Variants in SYNE2 observed in about 807,000 individuals in gnomAD.
SYNE2 encodes spectrin repeat containing nuclear envelope protein 2.
SYNE2 carries 431 observed loss-of-function variants against 856.3 expected under a neutral mutation model. That is an observed-to-expected ratio of 0.50 (90% CI 0.47 to 0.55). SYNE2 has a LOEUF of 0.55. SYNE2 is among the 20% of genes least tolerant of loss of function. The pLI, the probability that SYNE2 is intolerant of heterozygous loss-of-function variation, is 0.00. For missense variants in SYNE2, 8,129 were observed against 8,023.2 expected (o/e 1.01, Z -0.50); for synonymous variants, 2,923 against 2,872.3 (o/e 1.02, Z -0.56).
intron 1 of SYNE2, among the ~76,000 whole-genome samples, chr14:63,791,964 A>C (rs983745230): frequency 6.6e-6 from 1 of 151,706 alleles, no homozygotes; most frequent in Non-Finnish European, 1.5e-5. Context: ...ACAAAAACAA[A>C]ACTTAAAAAT....
chr14:64,136,427 G>T (rs1017305056), intron 78 of SYNE2, among the ~76,000 whole-genome samples: 2 of 151,830 alleles, frequency 1.3e-5, no homozygotes, highest in African/African-American at 4.8e-5. Context: ...CAGACACGGG[G>T]GGGAGGGGAT....
At chr14:64,087,138 TAA>T (rs1330348394) in intron 57 of SYNE2, among the ~76,000 whole-genome samples, 1 of 151,340 alleles carries the variant, frequency 6.6e-6, no homozygotes, top group Non-Finnish European at 1.5e-5. Flanking sequence ...TTTGTTTTCC[TAA>T]AAGTTTTCTC....
At chr14:64,190,712 G>A (rs1567598850) in intron 99 of SYNE2, 1 of 673,414 alleles carries the variant, frequency 1.5e-6, no homozygotes, top group East Asian at 2.7e-5. Context: ...AAAGTGTGTG[G>A]GCTCAGAGTG....
intron 45 of SYNE2, among the ~76,000 whole-genome samples, chr14:64,032,675 C>T (rs1034467926): frequency 4.6e-5 from 7 of 152,070 alleles, no homozygotes; most frequent in African/African-American, 1.4e-4. Context: ...CAGGTTCAAG[C>T]GATTCTCCTG....
intron 30 of SYNE2, among the ~76,000 whole-genome samples, 190 bp from the exon 31 acceptor site, chr14:64,006,843 GACAAAACAAA>G (rs1055017624): frequency 6.6e-6 from 1 of 151,736 alleles, no homozygotes; most frequent in South Asian, 2.1e-4. Context: ...AACAAAATAA[GACAAAACAAA>G]ACAAAACAAA....
chr14:63,908,105 T>G (rs2095430134), intron 1 of SYNE2, among the ~76,000 whole-genome samples: 1 of 152,180 alleles, frequency 6.6e-6, no homozygotes, highest in Admixed American at 6.5e-5. Flanking sequence ...TTAATATGAT[T>G]GACCGTATCT....
At position 64,219,211 on chromosome 14, in the gene SYNE2, C is replaced by A. The variant is rs774689111; in HGVS notation, c.19661C>A (p.Ala6554Asp). The change falls in exon 110 of 116, where the codon GCC (alanine) becomes GAC (aspartate). Residue 6554 changes from alanine (A) to aspartate (D), a missense_variant. Ala to Asp is a moderately radical substitution (Grantham distance 126). Transcript: ENST00000555002. ...ATTGGCGATTTTTTAATTCCAGGTGCCTTCGACAGATGGGAGATGATTCAA... is the reference window on the plus strand; with the variant it reads ...ATTGGCGATTTTTTAATTCCAGGTGACTTCGACAGATGGGAGATGATTCAA... ...LAGITEQQSGAFDRWEMIQAQ... is the reference protein window; with the variant it reads ...LAGITEQQSGDFDRWEMIQAQ... The A allele has an allele frequency of 8.1e-6, 13 of 1,609,062 alleles. No individual in the cohort carries two copies. The highest frequency in any genetic ancestry group is 3.4e-5 in the Admixed American group (2 of 59,570).
intron 44 of SYNE2, among the ~76,000 whole-genome samples, chr14:64,030,504 TAG>T (rs2153544685): frequency 6.6e-6 from 1 of 152,370 alleles, no homozygotes; most frequent in East Asian, 1.9e-4. Flanking sequence ...CTTTTCAGTC[TAG>T]AGTTTTAAAA....
intron 9 of SYNE2, 94 bp downstream of exon 9, chr14:63,961,719 T>C: frequency 2.3e-6 from 2 of 888,076 alleles, no homozygotes; most frequent in South Asian, 2.8e-5. Context: ...ATACAGAACT[T>C]AAATGTACAG....
At chr14:63,908,380 A>G (rs1002604263) in intron 1 of SYNE2, among the ~76,000 whole-genome samples, 1 of 152,056 alleles carries the variant, frequency 6.6e-6, no homozygotes, top group African/African-American at 2.4e-5. Flanking sequence ...CATATGGGAG[A>G]AGTCGGTGTT....
intron 42 of SYNE2, among the ~76,000 whole-genome samples, 163 bp downstream of exon 42, chr14:64,026,893 A>T (rs1471757358): frequency 6.6e-6 from 1 of 152,244 alleles, no homozygotes; most frequent in East Asian, 1.9e-4. Flanking sequence ...CCAAAACCAG[A>T]TAACCTCATT....
chr14:64,079,042 A>C (rs1432046961), intron 55 of SYNE2, among the ~76,000 whole-genome samples: 1 of 152,186 alleles, frequency 6.6e-6, no homozygotes, highest in Non-Finnish European at 1.5e-5. Flanking sequence ...ACTGCACTCC[A>C]GTGTGGGTGA....
intron 30 of SYNE2, 24 bp from the exon 31 acceptor site, chr14:64,007,019 A>G: frequency 6.3e-7 from 1 of 1,594,338 alleles, no homozygotes; most frequent in Non-Finnish European, 8.6e-7. Context: ...TGGCTATCAA[A>G]CTTTTTTCTC....
intron 1 of SYNE2, among the ~76,000 whole-genome samples, chr14:63,894,879 T>C (rs1282651968): frequency 1.3e-5 from 2 of 152,174 alleles, no homozygotes; most frequent in Non-Finnish European, 2.9e-5. Flanking sequence ...CTCCGGCTAT[T>C]GGTGATACAC....
In SYNE2 at chr14:63,919,975, T is replaced by TTTTTTTTG. The variant is rs1386328249; in HGVS notation, c.79+10755_79+10756insGTTTTTTT. ...TCAGGCACATGATAAAAGGTAAGTT[T>TTTTTTTTG]TTTTTTTTTTTTTTTTAAGGTAAGA... is the stretch of plus-strand genomic sequence containing the variant. On this transcript the variant is annotated intron_variant, in intron 2 of 115. Transcript: ENST00000555002. 2.4e-3 allele frequency among the ~76,000 whole-genome samples: 358 copies of TTTTTTTTG among 149,120 alleles called. 13 individuals are homozygous for TTTTTTTTG. The highest frequency in any genetic ancestry group is 8.4e-3 in the African/African-American group (340 of 40,316).
At chr14:64,078,914 A>C (rs1371322040) in intron 55 of SYNE2, among the ~76,000 whole-genome samples, 2 of 152,130 alleles carry the variant, frequency 1.3e-5, no homozygotes, top group East Asian at 3.8e-4. Flanking sequence ...TCTACTAAAA[A>C]TACAAATATT....
At chr14:64,027,452 A>G (rs1435157854) in intron 42 of SYNE2, 32 bp from the exon 43 acceptor site, 1 of 1,447,320 alleles carries the variant, frequency 6.9e-7, no homozygotes, top group East Asian at 2.3e-5. Context: ...GCTAAATATC[A>G]TTTAATTTAT....
intron 30 of SYNE2, among the ~76,000 whole-genome samples, chr14:64,006,304 C>T (rs1309398618): frequency 6.6e-6 from 1 of 152,086 alleles, no homozygotes; most frequent in East Asian, 1.9e-4. Context: ...TCTTTTCCTT[C>T]CTCCTTGGCC....
intron 1 of SYNE2, among the ~76,000 whole-genome samples, chr14:63,907,068 G>A (rs765703629): frequency 1.3e-5 from 2 of 152,190 alleles, no homozygotes; most frequent in Admixed American, 6.5e-5. Flanking sequence ...TTTGGGGGAC[G>A]TAAGAACTCA....
Sources: gnomAD v4.1 joint callset for allele counts (sites outside exome capture counted in the v4.1 genomes callset) on GRCh38, gnomAD v4.1.1 for gene constraint, MANE v1.5 for transcripts, NCBI Gene and HGNC (gene_info 2026-07-23, HGNC 2026-07-21) for gene names.